The following PDZD2 variants were observed in gnomAD, a reference collection of about 807,000 sequenced individuals.
PDZD2 encodes the protein PDZ domain-containing protein 2.
A neutral mutation model predicts 220.7 loss-of-function variants in PDZD2; 90 were observed. That is an observed-to-expected ratio of 0.41 (90% confidence interval 0.34 to 0.49). The LOEUF is 0.49. Among genes scored for constraint, PDZD2 ranks in the 20% least tolerant of loss-of-function variants. The pLI is 0.28. For missense variants in PDZD2, 3,174 were observed against 3,608.5 expected (o/e 0.88, Z 3.08); for synonymous variants, 1,375 against 1,450.5 (o/e 0.95, Z 1.18).
In PDZD2 at chr5:32,077,444, T is replaced by C; in HGVS notation, c.3538-18T>C. On this transcript the variant is annotated intron_variant, in intron 18 of 24. Transcript: ENST00000438447. ...CCTGAAAGTTATTTCAAGTGGCTTGTGGTTGTCATTGTGCCAGGAATCTCT... is the reference window on the plus strand; with the variant it reads ...CCTGAAAGTTATTTCAAGTGGCTTGCGGTTGTCATTGTGCCAGGAATCTCT... 1 of 1,612,858 alleles carries C rather than the reference T, an allele frequency of 6.2e-7. No homozygotes were observed. Among genetic ancestry groups the C allele is most frequent in the Non-Finnish European group, 8.5e-7 (1 of 1,179,708 alleles).
intron 1 of PDZD2, among the ~76,000 whole-genome samples, chr5:31,750,497 A>T (rs1179947235): frequency 6.6e-6 from 1 of 152,222 alleles, no homozygotes; most frequent in Admixed American, 6.5e-5. Flanking sequence ...AGGAGAGGAG[A>T]CAAAGCATGA....
intron 2 of PDZD2, among the ~76,000 whole-genome samples, chr5:31,858,301 C>T (rs1169996281): frequency 4.6e-5 from 7 of 152,052 alleles, no homozygotes; most frequent in Admixed American, 4.6e-4. Flanking sequence ...TTCCTTCCTT[C>T]TCCTCTGGGA....
At chr5:32,039,045 A>T (rs1005189493) in intron 7 of PDZD2, among the ~76,000 whole-genome samples, 1 of 152,152 alleles carries the variant, frequency 6.6e-6, no homozygotes, top group Non-Finnish European at 1.5e-5. Flanking sequence ...TCTCAGAAAG[A>T]TGGCAGGTTT....
At chr5:31,899,325 G>T (rs1214832305) in intron 2 of PDZD2, among the ~76,000 whole-genome samples, 3 of 152,048 alleles carry the variant, frequency 2.0e-5, no homozygotes, top group African/African-American at 7.2e-5. Context: ...TAGAGATGGG[G>T]TTTCACCATG....
At chr5:31,974,648 G>A (rs1749587270) in intron 2 of PDZD2, among the ~76,000 whole-genome samples, 1 of 152,200 alleles carries the variant, frequency 6.6e-6, no homozygotes, top group Non-Finnish European at 1.5e-5. Flanking sequence ...AGAAATAGCA[G>A]TATCCAGAGT....
intron 2 of PDZD2, among the ~76,000 whole-genome samples, chr5:31,811,170 A>G (rs1314989193): frequency 6.6e-6 from 1 of 152,040 alleles, no homozygotes; most frequent in Admixed American, 6.6e-5. Context: ...ATTTTAAGTA[A>G]AGACAGGGCT....
rs137991377 is a variant in PDZD2, at chr5:32,089,052, G to A, written c.5604G>A (p.Pro1868=). The change falls in exon 20 of 25, where the codon CCG becomes CCA. Residue 1868 remains proline (P), a synonymous_variant. Coordinates refer to ENST00000438447, the MANE Select transcript of PDZD2 (RefSeq NM_178140.4). ...LENKDLSKKS[P]AEMLLTNGQK... ...ATAAGGACCTGTCTAAGAAGAGTCC[G>A]GCAGAAATGCTTCTGACTAATGGTC... 2.8e-5 allele frequency: 45 copies of A among 1,613,884 alleles called. No individual in the cohort carries two copies. The highest frequency in any genetic ancestry group is 2.5e-4 in the African/African-American group (19 of 75,018).
At chr5:32,008,463 G>C (rs1753029684) in intron 5 of PDZD2, among the ~76,000 whole-genome samples, 1 of 151,984 alleles carries the variant, frequency 6.6e-6, no homozygotes, top group South Asian at 2.1e-4. Context: ...TGTATTTTTA[G>C]TAGAGACGGA....
Position 31,899,245 on chromosome 5 carries a change from C to T in PDZD2, c.477-83910C>T, listed in dbSNP as rs147069055. On this transcript the variant is annotated intron_variant, in intron 2 of 24. Transcript: ENST00000438447. ...TCCTGGGTTCAAGTGATTCTCCTAC[C>T]TCAGCCTCCCACATAGCTGGGATTA... Among the ~76,000 whole-genome samples, 981 of 152,294 alleles carry T rather than the reference C, an allele frequency of 6.4e-3. 12 individuals are homozygous for T. The highest frequency in any genetic ancestry group is 0.022 in the African/African-American group (928 of 41,548).
intron 5 of PDZD2, among the ~76,000 whole-genome samples, chr5:32,004,157 G>A (rs1752628290): frequency 6.6e-6 from 1 of 152,022 alleles, no homozygotes. Context: ...TTGAAAACTT[G>A]GAAAACTGGT....
chr5:32,041,926 A>C (rs1057465909), intron 7 of PDZD2, among the ~76,000 whole-genome samples: 4 of 138,368 alleles, frequency 2.9e-5, no homozygotes, highest in East Asian at 2.1e-4. Context: ...AAAAAAAAAA[A>C]CATCAATTGC....
At chr5:31,947,969 G>A (rs1226546350) in intron 2 of PDZD2, among the ~76,000 whole-genome samples, 3 of 152,176 alleles carry the variant, frequency 2.0e-5, no homozygotes, top group African/African-American at 4.8e-5. Flanking sequence ...TAAACTTTAA[G>A]GGTGGTCTCA....
At chr5:31,777,187 C>T (rs1016325933) in intron 1 of PDZD2, among the ~76,000 whole-genome samples, 3 of 152,164 alleles carry the variant, frequency 2.0e-5, no homozygotes, top group South Asian at 2.1e-4. Flanking sequence ...TCGGCAGGCC[C>T]GCACTCGGAG....
chr5:32,023,079 G>C (rs369990976), intron 6 of PDZD2, among the ~76,000 whole-genome samples: 1 of 152,180 alleles, frequency 6.6e-6, no homozygotes, highest in South Asian at 2.1e-4. Flanking sequence ...CCTGCCAGTC[G>C]GGGTGCTGGC....
chr5:31,689,498 C>A (rs531327702), intron 1 of PDZD2, among the ~76,000 whole-genome samples: 1 of 151,082 alleles, frequency 6.6e-6, no homozygotes, highest in East Asian at 1.9e-4. Flanking sequence ...CCAGCCTGCC[C>A]ACAAGGTATT....
Position 31,750,977 on chromosome 5 carries a change from T to C in PDZD2, c.-360-47912T>C, listed in dbSNP as rs538098960. On this transcript the variant is annotated intron_variant, in intron 1 of 24. Transcript: ENST00000438447. ...AGAAGCATGGGCCAGGCACGGTGGCTCATACCTGTAATCCTAGCACTTTGG... is the reference window on the plus strand; with the variant it reads ...AGAAGCATGGGCCAGGCACGGTGGCCCATACCTGTAATCCTAGCACTTTGG... 2.4e-4 allele frequency among the ~76,000 whole-genome samples: 36 copies of C among 152,216 alleles called. 1 individual carries two copies. The South Asian group carries it at 7.3e-3, about 31-fold the overall frequency.
At chr5:31,767,817 T>C (rs1273409463) in intron 1 of PDZD2, among the ~76,000 whole-genome samples, 1 of 152,244 alleles carries the variant, frequency 6.6e-6, no homozygotes, top group Non-Finnish European at 1.5e-5. Flanking sequence ...CCTTGATCCA[T>C]ACTCCTTAAA....
At chr5:32,026,264 G>T (rs754258405) in intron 6 of PDZD2, among the ~76,000 whole-genome samples, 6 of 151,702 alleles carry the variant, frequency 4.0e-5, no homozygotes, top group Non-Finnish European at 8.8e-5. Flanking sequence ...AGCCTCCCAA[G>T]TAGCTGAGAC....
rs374630577 is a variant in PDZD2 at position 32,074,611 on chromosome 5, G to A, written c.3505G>A (p.Ala1169Thr). 3.6e-5 allele frequency: 58 copies of A among 1,610,610 alleles called. No homozygotes were observed. The highest frequency in any genetic ancestry group is 4.2e-5 in the Non-Finnish European group (49 of 1,178,572). Residue 1169 changes from alanine (A) to threonine (T), a missense_variant, in exon 18 of 25, where the codon GCT becomes ACT. Physicochemically the swap from Ala to Thr is moderately conservative, Grantham distance 58. This residue lies in a region of PDZD2 where 1,861 missense variants were observed against 2,001.0 expected (regional missense o/e 0.93). Transcript: ENST00000438447. ...GGCCACTTCTGTCAAAGTGACTGTC[G>A]CTGGCTTTCAGCCAGGTGGAGCTGT... is the stretch of plus-strand genomic sequence containing the variant. ...VQATSVKVTV[A>T]GFQPGGAVEK...
Sources: gnomAD v4.1 joint callset for allele counts (sites outside exome capture counted in the v4.1 genomes callset) on GRCh38, gnomAD v4.1.1 for gene constraint, gnomAD v4.1.1 regional missense constraint, MANE v1.5 for transcripts, NCBI Gene and HGNC (gene_info 2026-07-23, HGNC 2026-07-21) for gene names.